Variants in MSRA observed in about 807,000 individuals in gnomAD.
MSRA encodes mitochondrial peptide methionine sulfoxide reductase.
A neutral mutation model predicts 31.3 loss-of-function variants in MSRA; 54 were observed. The ratio of observed to expected loss-of-function variants is 1.73; its 90% CI spans 1.39 to 2.17. The LOEUF (loss-of-function observed/expected upper bound fraction) is 2.17, where lower values mean the gene tolerates loss of function less well. Among genes scored for constraint, MSRA ranks in the 30% most tolerant of loss-of-function variants. The pLI is 0.00. For missense variants in MSRA, 507 were observed against 300.9 expected, an observed-to-expected ratio of 1.69 and a Z score of -5.07; for synonymous variants, 169 against 116.5, an observed-to-expected ratio of 1.45 and a Z score of -2.90.
chr8:10,331,097 C>A (rs774938792), intron 5 of MSRA, among the ~76,000 whole-genome samples: 1 of 152,180 alleles, frequency 6.6e-6, no homozygotes, highest in Non-Finnish European at 1.5e-5. Flanking sequence ...GCCTGCAAGC[C>A]CTGAGAAGAG....
chr8:10,271,631 A>G (rs1051453047), intron 3 of MSRA, among the ~76,000 whole-genome samples: 6 of 102,950 alleles, frequency 5.8e-5, no homozygotes, highest in African/African-American at 1.7e-4. Flanking sequence ...CAGACAGTCA[A>G]TTTGCATTAC....
intron 3 of MSRA, among the ~76,000 whole-genome samples, chr8:10,282,604 C>G (rs1357872036): frequency 2.0e-5 from 3 of 152,124 alleles, no homozygotes; most frequent in Non-Finnish European, 4.4e-5. Flanking sequence ...GCAAAGATAC[C>G]ATTACCTTCT....
chr8:10,080,205 G>C (rs1386433453), intron 1 of MSRA, among the ~76,000 whole-genome samples: 1 of 152,172 alleles, frequency 6.6e-6, no homozygotes, highest in Non-Finnish European at 1.5e-5. Context: ...TCTCAGTCTA[G>C]GGGAAGTTAC....
At position 10,428,855 on chromosome 8, in the gene MSRA, T is replaced by G. The variant is rs1809373684; in HGVS notation, c.*543T>G. ...GCTTTGCTTAGAGCTATGAGAAATG[T>G]TTGTTTTAATAAAAACCTACAGTCC... On this transcript the variant is annotated 3_prime_UTR_variant, in exon 6 of 6. Coordinates refer to ENST00000317173, the MANE Select transcript of MSRA (RefSeq NM_012331.5). The G allele has an allele frequency of 6.5e-6, 1 of 152,896 alleles. No homozygotes were observed. Among genetic ancestry groups the G allele is most frequent in the African/African-American group, 2.4e-5 (1 of 41,446 alleles). The allele number at this position is 152,896 out of a possible 1,614,324, so 9.5% of individuals were successfully genotyped here. A position where few individuals can be genotyped will look rare whatever the true frequency, so the allele number is the denominator to read the frequency against.
At chr8:10,265,301 C>G (rs190414586) in intron 3 of MSRA, among the ~76,000 whole-genome samples, 1 of 152,120 alleles carries the variant, frequency 6.6e-6, no homozygotes, top group Non-Finnish European at 1.5e-5. Context: ...AAAGGCTGAT[C>G]TTGGCTCTTG....
chr8:10,126,072 C>T (rs1030215405), intron 1 of MSRA, among the ~76,000 whole-genome samples: 1 of 152,208 alleles, frequency 6.6e-6, no homozygotes, highest in Non-Finnish European at 1.5e-5. Flanking sequence ...CCGTGGAAAT[C>T]ATGCTACTTT....
At chr8:10,415,908 C>T (rs953251280) in intron 5 of MSRA, among the ~76,000 whole-genome samples, 1 of 152,042 alleles carries the variant, frequency 6.6e-6, no homozygotes, top group African/African-American at 2.4e-5. Context: ...CCTCCATGCC[C>T]TCAAAGGACT....
intron 5 of MSRA, among the ~76,000 whole-genome samples, chr8:10,348,479 C>T (rs1460843105): frequency 1.4e-5 from 2 of 142,966 alleles, no homozygotes; most frequent in Admixed American, 1.5e-4. Context: ...AAGCAGTTCT[C>T]CTGCCTCAGC....
At chr8:10,418,545 A>T (rs868633444) in intron 5 of MSRA, among the ~76,000 whole-genome samples, 2 of 152,104 alleles carry the variant, frequency 1.3e-5, no homozygotes, top group African/African-American at 4.8e-5. Context: ...CTTTGAAATT[A>T]TAAGCAAGTA....
intron 5 of MSRA, among the ~76,000 whole-genome samples, chr8:10,426,572 G>C (rs988574223): frequency 7.9e-5 from 12 of 152,338 alleles, no homozygotes; most frequent in Non-Finnish European, 1.6e-4. Flanking sequence ...TTTCGTGTGA[G>C]TTTCTCTGAT....
intron 5 of MSRA, among the ~76,000 whole-genome samples, chr8:10,396,596 A>G (rs1445811301): frequency 6.6e-6 from 1 of 152,244 alleles, no homozygotes; most frequent in African/African-American, 2.4e-5. Context: ...AAGGACTTCT[A>G]GTGTGGGTTG....
At chr8:10,281,985 T>C (rs1341637791) in intron 3 of MSRA, among the ~76,000 whole-genome samples, 3 of 152,126 alleles carry the variant, frequency 2.0e-5, no homozygotes, top group African/African-American at 7.2e-5. Context: ...CTTTCGAAGG[T>C]GGAGGGTTAT....
At chr8:10,172,680 A>T (rs1021750933) in intron 1 of MSRA, among the ~76,000 whole-genome samples, 5 of 152,208 alleles carry the variant, frequency 3.3e-5, no homozygotes, top group African/African-American at 1.2e-4. Context: ...ACTTCTAAGA[A>T]TCTAGGGCCC....
intron 5 of MSRA, chr8:10,411,127 C>G (rs1808133504): frequency 6.6e-6 from 1 of 152,176 alleles, no homozygotes; most frequent in South Asian, 2.1e-4. Flanking sequence ...TTGTTATTCT[C>G]TTGGCAATTA....
At chr8:10,235,469 T>C (rs1277982748) in intron 2 of MSRA, among the ~76,000 whole-genome samples, 3 of 152,010 alleles carry the variant, frequency 2.0e-5, no homozygotes, top group Middle Eastern at 3.2e-3. Flanking sequence ...TAATAATTCA[T>C]ATCAAGAAGG....
At chr8:10,422,224 T>C (rs1277714779) in intron 5 of MSRA, among the ~76,000 whole-genome samples, 3 of 152,194 alleles carry the variant, frequency 2.0e-5, no homozygotes, top group African/African-American at 7.2e-5. Flanking sequence ...AGGTAGGGCC[T>C]GCCATCAACC....
Position 10,054,398 on chromosome 8 carries a change from C to T in MSRA, c.-119C>T, listed in dbSNP as rs1410559300. On this transcript the variant is annotated 5_prime_UTR_variant, in exon 1 of 6. Coordinates refer to ENST00000317173, the MANE Select transcript of MSRA (RefSeq NM_012331.5). ...CCGCCAGCAGCGCCCCGCGCCCGCC[C>T]GCCCGCGCCCCTGCCGCCCCCCGGT... The T allele has an allele frequency of 5.5e-5, 36 of 652,578 alleles. No individual in the cohort carries two copies. Among genetic ancestry groups the T allele is most frequent in the Non-Finnish European group, 7.1e-5 (33 of 461,938 alleles). 40.4% of individuals were successfully genotyped at this position (652,578 alleles called of 1,614,324 possible). A position where few individuals can be genotyped will look rare whatever the true frequency, so the allele number is the denominator to read the frequency against.
intron 1 of MSRA, among the ~76,000 whole-genome samples, chr8:10,074,242 C>G (rs1025917416): frequency 2.0e-5 from 3 of 151,632 alleles, no homozygotes; most frequent in Admixed American, 1.3e-4. Flanking sequence ...GCCACCATGC[C>G]CAGCTAATTT....
chr8:10,146,164 C>T (rs1803126325), intron 1 of MSRA, among the ~76,000 whole-genome samples: 3 of 152,114 alleles, frequency 2.0e-5, no homozygotes, highest in South Asian at 4.2e-4. Context: ...AACCCTAGAG[C>T]AGCAAAGAAT....
Sources: gnomAD v4.1 joint callset for allele counts (sites outside exome capture counted in the v4.1 genomes callset) on GRCh38, gnomAD v4.1.1 for gene constraint, MANE v1.5 for transcripts, NCBI Gene and HGNC (gene_info 2026-07-23, HGNC 2026-07-21) for gene names.